ZDHHC2: variants seen among roughly 807,000 people sequenced by gnomAD.
ZDHHC2 encodes the protein zDHHC palmitoyltransferase 2, also known as palmitoyltransferase ZDHHC2.
ZDHHC2 carries 51 observed loss-of-function variants against 55.6 expected under a neutral mutation model. The ratio of observed to expected loss-of-function variants is 0.92; its 90% CI spans 0.73 to 1.16. ZDHHC2 has a LOEUF of 1.16. Among genes scored for constraint, ZDHHC2 ranks in the 50% most tolerant of loss-of-function variants. The pLI, the probability that ZDHHC2 is intolerant of heterozygous loss-of-function variation, is 0.00. For missense variants in ZDHHC2, 491 were observed against 442.4 expected (o/e 1.11, Z -0.99); for synonymous variants, 199 against 152.9 (o/e 1.30, Z -2.22).
intron 12 of ZDHHC2, among the ~76,000 whole-genome samples, chr8:17,217,746 A>T (rs11784910): frequency 0.036 from 5,477 of 152,202 alleles, 156 homozygotes; most frequent in Non-Finnish European, 0.052. Context: ...AGCATGTGTT[A>T]ACCTTAAAAT....
intron 3 of ZDHHC2, among the ~76,000 whole-genome samples, chr8:17,194,345 A>AAT (rs34831146): frequency 3.4e-3 from 493 of 146,880 alleles, no homozygotes; most frequent in Non-Finnish European, 4.2e-3. Flanking sequence ...TAAATATATA[A>AAT]ATATATATAT....
chr8:17,163,415 C>CG (rs1804450592), intron 1 of ZDHHC2, among the ~76,000 whole-genome samples: 1 of 151,954 alleles, frequency 6.6e-6, no homozygotes, highest in African/African-American at 2.4e-5. Flanking sequence ...AGTGTGCTAG[C>CG]GGGGAAAAAA....
intron 5 of ZDHHC2, among the ~76,000 whole-genome samples, chr8:17,198,021 C>A (rs1042045145): frequency 2.0e-5 from 3 of 152,194 alleles, no homozygotes; most frequent in Non-Finnish European, 4.4e-5. Flanking sequence ...TATGACTTGG[C>A]ATAAGGATTG....
intron 10 of ZDHHC2, among the ~76,000 whole-genome samples, chr8:17,214,288 T>G (rs903940601): frequency 1.3e-5 from 2 of 152,212 alleles, no homozygotes; most frequent in African/African-American, 4.8e-5. Flanking sequence ...TTCCCCAGAC[T>G]GAACATTGGG....
chr8:17,210,310 C>G lies in ZDHHC2; in HGVS notation c.858-78C>G, dbSNP rs139878162. The stretch of plus-strand genomic sequence containing the variant: ...CCTAGAGTATAGCATGTTCTGCTCT[C>G]GGACATCAGCATTTTGGCAGGGTTT... On this transcript the variant is annotated intron_variant, in intron 9 of 12. Transcript: ENST00000262096. 3.5e-6 allele frequency: 5 copies of G among 1,409,600 alleles called. No individual in the cohort carries two copies. In the African/African-American group the frequency reaches 7.2e-5, roughly 20 times the overall value. The allele number at this position is 1,409,600 out of a possible 1,614,324, so 87.3% of individuals were successfully genotyped here.
intron 2 of ZDHHC2, 71 bp from the exon 3 acceptor site, chr8:17,186,260 T>A: frequency 1.0e-6 from 1 of 975,890 alleles, no homozygotes; most frequent in South Asian, 1.6e-5. Context: ...AACAAGCAGA[T>A]CGGTTGTGAC....
intron 12 of ZDHHC2, among the ~76,000 whole-genome samples, chr8:17,219,334 ATGT>A (rs1251427476): frequency 2.7e-5 from 4 of 150,384 alleles, no homozygotes; most frequent in African/African-American, 9.7e-5. Flanking sequence ...ATAGTAAATG[ATGT>A]CACCTTTTTA....
At chr8:17,211,742 G>C (rs1294750490) in intron 10 of ZDHHC2, among the ~76,000 whole-genome samples, 1 of 152,100 alleles carries the variant, frequency 6.6e-6, no homozygotes, top group Non-Finnish European at 1.5e-5. Context: ...ACCAGTTAGT[G>C]AATGGGCCCA....
At position 17,185,106 on chromosome 8, in the gene ZDHHC2, C is replaced by G. The variant is rs551572958; in HGVS notation, c.157+291C>G. 1.4e-3 allele frequency among the ~76,000 whole-genome samples: 218 copies of G among 152,238 alleles called. 1 individual carries two copies. The Middle Eastern group carries it at 0.017, about 12-fold the overall frequency. On this transcript the variant is annotated intron_variant, in intron 2 of 12. Coordinates refer to ENST00000262096, the MANE Select transcript of ZDHHC2 (RefSeq NM_016353.5). ...GATTATGAACTTATAACTGAGTCAC[C>G]TACATAATTTATGAAAAATATTGTT...
At chr8:17,218,065 C>A (rs537223285) in intron 12 of ZDHHC2, among the ~76,000 whole-genome samples, 55 of 152,178 alleles carry the variant, frequency 3.6e-4, no homozygotes, top group African/African-American at 1.3e-3. Context: ...TTTGTCTGTT[C>A]TGGTTTTGGT....
chr8:17,186,313 A>G lies in ZDHHC2; in HGVS notation c.158-18A>G. The G allele has an allele frequency of 6.6e-7, 1 of 1,518,498 alleles. No individual in the cohort carries two copies. 94.1% of individuals were successfully genotyped at this position (1,518,498 alleles called of 1,614,324 possible). A position where few individuals can be genotyped will look rare whatever the true frequency, so the allele number is the denominator to read the frequency against. ...GTATTTGCATATTATAATGATAATT[A>G]TGTTTTTCTCATTTTAGTTGTGTGC... On this transcript the variant is annotated intron_variant, in intron 2 of 12. Coordinates refer to ENST00000262096, the MANE Select transcript of ZDHHC2 (RefSeq NM_016353.5).
chr8:17,162,861 G>A (rs1249347413), intron 1 of ZDHHC2: 1 of 152,368 alleles, frequency 6.6e-6, no homozygotes, highest in Admixed American at 6.5e-5. Context: ...TAAACAATGA[G>A]GCAGGTAAAA....
chr8:17,199,753 TTTC>T lies in ZDHHC2; in HGVS notation c.476+1349_476+1351del, dbSNP rs200001054. On this transcript the variant is annotated intron_variant, in intron 6 of 12. Coordinates refer to ENST00000262096, the MANE Select transcript of ZDHHC2 (RefSeq NM_016353.5). ...TCTTTTTCCTTCTTCGTCCTTCTTC[TTTC>T]TTCTTCTTTTTTTTTTTTTTTGAGA... 7.5e-3 allele frequency among the ~76,000 whole-genome samples: 1,126 copies of T among 149,468 alleles called. 12 individuals are homozygous for T. Among genetic ancestry groups the T allele is most frequent in the African/African-American group, 0.026 (1,050 of 40,158 alleles).
intron 6 of ZDHHC2, among the ~76,000 whole-genome samples, chr8:17,205,232 A>C (rs1807040346): frequency 6.6e-6 from 1 of 152,204 alleles, no homozygotes; most frequent in Non-Finnish European, 1.5e-5. Context: ...ATTTGTGAAG[A>C]TATTCCATCT....
At chr8:17,176,239 G>A (rs999813985) in intron 1 of ZDHHC2, among the ~76,000 whole-genome samples, 2 of 152,156 alleles carry the variant, frequency 1.3e-5, no homozygotes, top group East Asian at 3.9e-4. Context: ...GTGGTTAGTA[G>A]ACTGTTAGGA....
chr8:17,199,541 TCTTCTG>T (rs1806563853), intron 6 of ZDHHC2, among the ~76,000 whole-genome samples: 2 of 38,928 alleles, frequency 5.1e-5, no homozygotes, highest in African/African-American at 1.9e-4. Context: ...TCTGTCTTCG[TCTTCTG>T]TCTTCGTCTT....
intron 1 of ZDHHC2, among the ~76,000 whole-genome samples, chr8:17,157,876 C>T (rs986611299): frequency 5.3e-5 from 8 of 152,138 alleles, no homozygotes; most frequent in Non-Finnish European, 2.9e-5. Flanking sequence ...TATATTGAGC[C>T]TTCACAAGCT....
At chr8:17,160,624 T>C (rs1028308613) in intron 1 of ZDHHC2, among the ~76,000 whole-genome samples, 1 of 152,202 alleles carries the variant, frequency 6.6e-6, no homozygotes, top group Non-Finnish European at 1.5e-5. Context: ...TCTTAGCCCA[T>C]TGAAGTTATG....
At position 17,156,840 on chromosome 8, in the gene ZDHHC2, C is replaced by G. The variant is rs1031307415; in HGVS notation, c.117C>G (p.Ile39Met). ...LLGWSYYAYA[I>M]QLCIVSMENT... is the part of the protein sequence containing the mutation. ...GCTGGTCCTACTACGCCTACGCCAT[C>G]CAGCTGTGCATAGGTGAGTGCGCCC... Residue 39 changes from isoleucine to methionine, a missense_variant, in exon 1 of 13, where the codon ATC becomes ATG. Coordinates refer to ENST00000262096, the MANE Select transcript of ZDHHC2 (RefSeq NM_016353.5). 3.3e-6 allele frequency: 5 copies of G among 1,517,196 alleles called. No homozygotes were observed. The African/African-American group carries it at 5.7e-5, about 17-fold the overall frequency. The allele number at this position is 1,517,196 out of a possible 1,614,324, so 94.0% of individuals were successfully genotyped here.
Sources: gnomAD v4.1 joint callset for allele counts (sites outside exome capture counted in the v4.1 genomes callset) on GRCh38, gnomAD v4.1.1 for gene constraint, MANE v1.5 for transcripts, NCBI Gene and HGNC (gene_info 2026-07-23, HGNC 2026-07-21) for gene names.